The following LRRK2 variants were observed in gnomAD, a reference collection of about 807,000 sequenced individuals.
The protein encoded by LRRK2 is leucine-rich repeat serine/threonine-protein kinase 2.
Under a neutral mutation model 302.6 loss-of-function variants are expected in LRRK2, and 203 were observed. The ratio of observed to expected loss-of-function variants is 0.67; its 90% CI spans 0.60 to 0.75. The LOEUF is 0.75. Ranked by LOEUF, LRRK2 falls within the 30% of genes least tolerant of loss-of-function variation. The pLI is 0.00. For missense variants in LRRK2, 2,830 were observed against 2,951.0 expected (o/e 0.96, Z 0.95); for synonymous variants, 1,066 against 1,031.9 (o/e 1.03, Z -0.63).
At chr12:40,321,905 C>G (rs1945413199) in intron 35 of LRRK2, 130 bp from the exon 36 acceptor site, 1 of 826,750 alleles carries the variant, frequency 1.2e-6, no homozygotes, top group African/African-American at 1.7e-5. Flanking sequence ...GATGAGGACT[C>G]ATATCAGTAA....
At chr12:40,290,482 A>C (rs987410362) in intron 20 of LRRK2, among the ~76,000 whole-genome samples, 5 of 152,002 alleles carry the variant, frequency 3.3e-5, no homozygotes, top group African/African-American at 1.2e-4. Flanking sequence ...TTCTTCTTAA[A>C]TGTCTGATAG....
At chr12:40,228,170 A>T (rs1940991730) in intron 2 of LRRK2, among the ~76,000 whole-genome samples, 1 of 152,182 alleles carries the variant, frequency 6.6e-6, no homozygotes, top group South Asian at 2.1e-4. Context: ...ACTGTGTTTC[A>T]TCATGGCTGT....
chr12:40,334,013 A>G (rs1945794495), intron 39 of LRRK2, among the ~76,000 whole-genome samples: 1 of 152,158 alleles, frequency 6.6e-6, no homozygotes, highest in Non-Finnish European at 1.5e-5. Context: ...TTTTCATCTA[A>G]GGGAAATGGG....
rs962863782 is a variant in LRRK2 at position 40,346,942 on chromosome 12, A to G, written c.6280+19A>G. ...TTACCTGGTAAGTTCTGTTTTCTCT[A>G]CAATGAAGATTTTTTTTCTTAATAT... On this transcript the variant is annotated intron_variant, in intron 42 of 50. Transcript: ENST00000298910. 1.2e-5 allele frequency: 19 copies of G among 1,595,568 alleles called. No homozygotes were observed. The highest frequency in any genetic ancestry group is 1.6e-5 in the Non-Finnish European group (19 of 1,172,932).
At chr12:40,340,209 G>A in intron 40 of LRRK2, 85 bp from the exon 41 acceptor site, 1 of 1,364,154 alleles carries the variant, frequency 7.3e-7, no homozygotes, top group South Asian at 1.2e-5. Context: ...TTGACATAGT[G>A]GACATTTATA....
Position 40,251,480 on chromosome 12 carries a change from G to T in LRRK2, c.1117G>T (p.Ala373Ser). ...NKHVQEAACWALNNLLMYQNS... is the reference protein window; with the variant it reads ...NKHVQEAACWSLNNLLMYQNS... ...CCTAATCCAGGAGGCCGCATGCTGG[G>T]CACTAAATAATCTCCTTATGTACCA... The change falls in exon 10 of 51, where the codon GCA (alanine) becomes TCA (serine). Residue 373 changes from alanine to serine, a missense_variant. By Grantham distance (99) the Ala-to-Ser change is moderately conservative. Transcript: ENST00000298910. The T allele has an allele frequency of 6.2e-7, 1 of 1,611,778 alleles. No homozygotes were observed. The highest frequency in any genetic ancestry group is 8.5e-7 in the Non-Finnish European group (1 of 1,178,706).
intron 13 of LRRK2, among the ~76,000 whole-genome samples, chr12:40,262,952 T>C (rs1942841912): frequency 6.6e-6 from 1 of 152,188 alleles, no homozygotes; most frequent in South Asian, 2.1e-4. Flanking sequence ...GGAGGGTGGT[T>C]ATCAAGGCTG....
At chr12:40,242,990 C>T (rs1476644123) in intron 6 of LRRK2, among the ~76,000 whole-genome samples, 5 of 150,786 alleles carry the variant, frequency 3.3e-5, no homozygotes, top group African/African-American at 1.2e-4. Flanking sequence ...TTCACCACAT[C>T]TATTAAAATA....
intron 2 of LRRK2, among the ~76,000 whole-genome samples, chr12:40,228,402 A>G (rs1304810084): frequency 3.7e-5 from 1 of 27,198 alleles, no homozygotes; most frequent in African/African-American, 1.5e-4. Context: ...AGAAATGTCT[A>G]TTTGGATCTT....
At position 40,359,386 on chromosome 12, in the gene LRRK2, T is replaced by G. The variant is rs753485632; in HGVS notation, c.6970T>G (p.Phe2324Val). 4.3e-6 allele frequency: 7 copies of G among 1,613,324 alleles called. No individual in the cohort carries two copies. The African/African-American group carries it at 8.0e-5, about 18-fold the overall frequency. The change falls in exon 47 of 51, where the codon TTC becomes GTC. Residue 2324 changes from phenylalanine to valine, a missense_variant. Transcript: ENST00000298910. ...VMWGGCGTKI[F>V]SFSNDFTIQK... Reference sequence around the variant, plus strand: ...GTGGGGAGGATGTGGCACAAAGATTTTCTCCTTTTCTAATGATTTCACCAT... The same window carrying G: ...GTGGGGAGGATGTGGCACAAAGATTGTCTCCTTTTCTAATGATTTCACCAT...
intron 8 of LRRK2, 77 bp from the exon 9 acceptor site, chr12:40,251,155 T>C: frequency 1.0e-6 from 1 of 986,674 alleles, no homozygotes. Context: ...TATTTCAAAA[T>C]ATGGACTTAG....
chr12:40,253,314 C>A (rs1267395839), intron 11 of LRRK2, among the ~76,000 whole-genome samples: 1 of 152,012 alleles, frequency 6.6e-6, no homozygotes, highest in Non-Finnish European at 1.5e-5. Flanking sequence ...CTTTTATAAC[C>A]AAATTTTATT....
At chr12:40,344,462 A>G (rs1272713079) in intron 41 of LRRK2, among the ~76,000 whole-genome samples, 1 of 152,164 alleles carries the variant, frequency 6.6e-6, no homozygotes, top group Non-Finnish European at 1.5e-5. Flanking sequence ...TGGGTAGCTC[A>G]TTATTTTTAA....
chr12:40,335,450 G>C (rs1945839466), intron 40 of LRRK2, among the ~76,000 whole-genome samples: 1 of 152,072 alleles, frequency 6.6e-6, no homozygotes, highest in African/African-American at 2.4e-5. Context: ...TATAAGTTAG[G>C]CTTCACAGTA....
chr12:40,324,681 A>AACT (rs1945495149), intron 38 of LRRK2, among the ~76,000 whole-genome samples: 1 of 152,226 alleles, frequency 6.6e-6, no homozygotes, highest in South Asian at 2.1e-4. Context: ...AAGCTAAATA[A>AACT]ACTCCTTTAT....
chr12:40,240,666 A>G (rs1941683313), intron 6 of LRRK2, 49 bp downstream of exon 6: 1 of 1,525,356 alleles, frequency 6.6e-7, no homozygotes, highest in East Asian at 2.3e-5. Flanking sequence ...AAAAATTACA[A>G]TATATCTCAT....
At chr12:40,265,696 T>C (rs915828853) in intron 14 of LRRK2, among the ~76,000 whole-genome samples, 1 of 152,126 alleles carries the variant, frequency 6.6e-6, no homozygotes, top group Non-Finnish European at 1.5e-5. Flanking sequence ...AGGGTCAGTC[T>C]GAGGACAAGG....
intron 33 of LRRK2, among the ~76,000 whole-genome samples, chr12:40,318,250 A>G (rs1235000131): frequency 6.6e-6 from 1 of 152,088 alleles, no homozygotes; most frequent in African/African-American, 2.4e-5. Flanking sequence ...GAGACTCTAT[A>G]TGAATAGCAC....
chr12:40,257,535 T>C (rs1177911362), intron 12 of LRRK2, among the ~76,000 whole-genome samples, 158 bp downstream of exon 12: 3 of 152,190 alleles, frequency 2.0e-5, no homozygotes, highest in Admixed American at 2.0e-4. Context: ...ACTAGTACCA[T>C]AGACTTACTT....
Sources: allele counts gnomAD v4.1 joint callset (sites outside exome capture counted in the v4.1 genomes callset), GRCh38; gene constraint gnomAD v4.1.1; transcripts MANE v1.5; gene names NCBI Gene and HGNC (gene_info 2026-07-23, HGNC 2026-07-21).